Variants in PLXNA4 observed in about 807,000 individuals in gnomAD.
PLXNA4 encodes the protein plexin-A4.
Under a neutral mutation model 191.8 loss-of-function variants are expected in PLXNA4, and 44 were observed. The ratio of observed to expected loss-of-function variants is 0.23; its 90% CI spans 0.18 to 0.29. The LOEUF is 0.29. Ranked by LOEUF, PLXNA4 falls within the 10% of genes least tolerant of loss-of-function variation. The pLI is 1.00. For missense variants in PLXNA4, 1,800 were observed against 2,488.8 expected, an observed-to-expected ratio of 0.72 and a Z score of 5.89; for synonymous variants, 1,082 against 1,009.5, an observed-to-expected ratio of 1.07 and a Z score of -1.36.
chr7:132,548,175 TGAGGGGTTTGG>T (rs1290063814), intron 1 of PLXNA4, among the ~76,000 whole-genome samples: 1 of 152,120 alleles, frequency 6.6e-6, no homozygotes, highest in Non-Finnish European at 1.5e-5. Context: ...GTGGGGTTTG[TGAGGGGTTTGG>T]AGAGTCCTGC....
At chr7:132,463,972 C>A (rs1796607722) in intron 3 of PLXNA4, among the ~76,000 whole-genome samples, 1 of 152,214 alleles carries the variant, frequency 6.6e-6, no homozygotes, top group South Asian at 2.1e-4. Flanking sequence ...CCACACCAGC[C>A]TAGGAAACCA....
chr7:132,280,251 A>G (rs559028335), intron 4 of PLXNA4, among the ~76,000 whole-genome samples: 2 of 152,332 alleles, frequency 1.3e-5, no homozygotes, highest in African/African-American at 4.8e-5. Flanking sequence ...TGTGGAGAAA[A>G]AGAATGAGAC....
intron 2 of PLXNA4, among the ~76,000 whole-genome samples, chr7:132,496,695 T>C (rs1339839516): frequency 6.6e-6 from 1 of 152,178 alleles, no homozygotes; most frequent in Non-Finnish European, 1.5e-5. Flanking sequence ...CTACCACACC[T>C]GGCTAAAAAA....
chr7:132,133,088 G>A lies in PLXNA4; in HGVS notation c.5550C>T (p.Leu1850=). The change falls in exon 31 of 32, where the codon CTC becomes CTT. Residue 1850 remains leucine (L), a synonymous_variant. Transcript: ENST00000321063. Reference sequence around the variant, plus strand: ...TGCCCACATAGGAGAAGATCTCTGAGAGTGCACTCATGGTGTTGAACTCAT... The same window carrying A: ...TGCCCACATAGGAGAAGATCTCTGAAAGTGCACTCATGGTGTTGAACTCAT... ...HMNEFNTMSA[L]SEIFSYVGKY... is the part of the protein sequence containing the mutation. 6.2e-7 allele frequency: 1 copy of A among 1,614,194 alleles called. No homozygotes were observed. The highest frequency in any genetic ancestry group is 8.5e-7 in the Non-Finnish European group (1 of 1,180,022).
At chr7:132,181,336 AG>A (rs1205714683) in intron 18 of PLXNA4, 44 bp downstream of exon 18, 1 of 1,610,376 alleles carries the variant, frequency 6.2e-7, no homozygotes, top group Admixed American at 1.7e-5. Context: ...TCCATGCAGC[AG>A]CCCCTTCTTT....
At chr7:132,616,762 A>G (rs1489110291) in intron 2 of PLXNA4, among the ~76,000 whole-genome samples, 2 of 152,104 alleles carry the variant, frequency 1.3e-5, no homozygotes, top group African/African-American at 4.8e-5. Context: ...CTCCTGGAAT[A>G]TGCACCTGTT....
chr7:132,255,987 C>T (rs1799418380), intron 4 of PLXNA4, among the ~76,000 whole-genome samples: 1 of 152,226 alleles, frequency 6.6e-6, no homozygotes, highest in Non-Finnish European at 1.5e-5. Flanking sequence ...CCCCTGACCT[C>T]TGTGAACAAG....
chr7:132,451,477 C>G (rs1450998007), intron 3 of PLXNA4, among the ~76,000 whole-genome samples: 1 of 152,046 alleles, frequency 6.6e-6, no homozygotes, highest in Non-Finnish European at 1.5e-5. Context: ...GGGCCTGGTA[C>G]TCGGGAAGTT....
intron 3 of PLXNA4, among the ~76,000 whole-genome samples, chr7:132,348,986 C>T (rs552235763): frequency 2.0e-5 from 3 of 152,280 alleles, no homozygotes; most frequent in Admixed American, 2.0e-4. Context: ...GTCTGAGGCG[C>T]CCCTCCGTGT....
intron 3 of PLXNA4, among the ~76,000 whole-genome samples, chr7:132,353,911 C>G (rs1428275206): frequency 6.6e-6 from 1 of 152,176 alleles, no homozygotes; most frequent in African/African-American, 2.4e-5. Flanking sequence ...GAAAGCTTTG[C>G]AACCCCTGAA....
chr7:132,338,114 T>C (rs911323803), intron 3 of PLXNA4, among the ~76,000 whole-genome samples: 3 of 152,214 alleles, frequency 2.0e-5, no homozygotes, highest in African/African-American at 7.2e-5. Flanking sequence ...ATGAAACTCA[T>C]ATTCTCAGAT....
At chr7:132,401,528 G>A (rs186291758) in intron 3 of PLXNA4, among the ~76,000 whole-genome samples, 1 of 152,334 alleles carries the variant, frequency 6.6e-6, no homozygotes, top group East Asian at 1.9e-4. Flanking sequence ...TACTTGTGGA[G>A]CAAATCAGTG....
At chr7:132,146,137 GC>G (rs1795426353) in intron 28 of PLXNA4, among the ~76,000 whole-genome samples, 2 of 150,012 alleles carry the variant, frequency 1.3e-5, no homozygotes, top group African/African-American at 4.9e-5. Context: ...TCGTGATGGA[GC>G]CCCGACTTCC....
intron 4 of PLXNA4, among the ~76,000 whole-genome samples, chr7:132,256,935 C>T (rs1799453942): frequency 6.6e-6 from 1 of 152,188 alleles, no homozygotes; most frequent in Non-Finnish European, 1.5e-5. Context: ...ACATGGCTTC[C>T]CCATTCATAA....
intron 26 of PLXNA4, 141 bp downstream of exon 26, chr7:132,148,402 C>G: frequency 7.9e-7 from 1 of 1,259,308 alleles, no homozygotes; most frequent in Non-Finnish European, 1.1e-6. Flanking sequence ...GGCTGGGAGA[C>G]ACCAATTTCC....
At chr7:132,365,322 G>T (rs905231631) in intron 3 of PLXNA4, among the ~76,000 whole-genome samples, 1 of 140,032 alleles carries the variant, frequency 7.1e-6, no homozygotes, top group African/African-American at 2.8e-5. Context: ...TCTTTCCTAC[G>T]GCCCGCGTGT....
At chr7:132,374,497 G>A (rs1410184083) in intron 3 of PLXNA4, among the ~76,000 whole-genome samples, 2 of 152,182 alleles carry the variant, frequency 1.3e-5, no homozygotes, top group African/African-American at 4.8e-5. Flanking sequence ...AGGAAAGGGT[G>A]AGCAGCTGGT....
chr7:132,551,939 A>G (rs1800579132), intron 1 of PLXNA4, among the ~76,000 whole-genome samples: 1 of 152,172 alleles, frequency 6.6e-6, no homozygotes, highest in African/African-American at 2.4e-5. Context: ...AATGGAATCA[A>G]TGAGACATGT....
chr7:132,644,627 G>C (rs1023567057), intron 2 of PLXNA4, among the ~76,000 whole-genome samples: 16 of 152,176 alleles, frequency 1.1e-4, no homozygotes, highest in Non-Finnish European at 5.9e-5. Context: ...CCCCCTTTCA[G>C]CATTGGTTCC....
Sources: gnomAD v4.1 joint callset for allele counts (sites outside exome capture counted in the v4.1 genomes callset) on GRCh38, gnomAD v4.1.1 for gene constraint, MANE v1.5 for transcripts, NCBI Gene and HGNC (gene_info 2026-07-23, HGNC 2026-07-21) for gene names.